Variants in GRIK3 observed in about 807,000 individuals in gnomAD.
GRIK3 encodes glutamate ionotropic receptor kainate type subunit 3.
GRIK3 carries 29 observed loss-of-function variants against 102.5 expected under a neutral mutation model. The observed-to-expected ratio is 0.28, with a 90% CI of 0.21 to 0.39. The LOEUF (loss-of-function observed/expected upper bound fraction) is 0.39, where lower values mean the gene tolerates loss of function less well. Ranked by LOEUF, GRIK3 falls within the 10% of genes least tolerant of loss-of-function variation. The probability of loss-of-function intolerance (pLI) is 1.00; values close to 1 mark genes in which losing one functional copy is unlikely to be tolerated. For missense variants in GRIK3, 908 were observed against 1,252.4 expected, an observed-to-expected ratio of 0.73 and a Z score of 4.15; for synonymous variants, 511 against 504.9, an observed-to-expected ratio of 1.01 and a Z score of -0.16.
At chr1:37,008,586 G>A (rs189519303) in intron 1 of GRIK3, among the ~76,000 whole-genome samples, 18 of 152,344 alleles carry the variant, frequency 1.2e-4, no homozygotes, top group African/African-American at 4.3e-4. Context: ...CTTCCTGGCT[G>A]TTCCACATGA....
chr1:36,888,954 C>T (rs1177533429), intron 2 of GRIK3, among the ~76,000 whole-genome samples: 1 of 151,988 alleles, frequency 6.6e-6, no homozygotes, highest in East Asian at 1.9e-4. Flanking sequence ...GAACAATGTT[C>T]GTTAAGTGGG....
intron 1 of GRIK3, among the ~76,000 whole-genome samples, chr1:36,977,130 G>T (rs902766783): frequency 6.6e-6 from 1 of 152,136 alleles, no homozygotes; most frequent in African/African-American, 2.4e-5. Context: ...TTCAAATCCC[G>T]CATGGACCAT....
At chr1:37,025,950 T>C (rs1246987604) in intron 1 of GRIK3, among the ~76,000 whole-genome samples, 1 of 152,182 alleles carries the variant, frequency 6.6e-6, no homozygotes, top group Non-Finnish European at 1.5e-5. Flanking sequence ...ATGATCACCA[T>C]GGGGACTCTC....
intron 15 of GRIK3, among the ~76,000 whole-genome samples, chr1:36,803,288 G>A (rs537659333): frequency 6.6e-6 from 1 of 152,248 alleles, no homozygotes; most frequent in South Asian, 2.1e-4. Flanking sequence ...AGGCAGAAAT[G>A]TGCTTGGTGT....
At chr1:36,904,379 C>G (rs1456009671) in intron 1 of GRIK3, among the ~76,000 whole-genome samples, 1 of 152,076 alleles carries the variant, frequency 6.6e-6, no homozygotes, top group Non-Finnish European at 1.5e-5. Flanking sequence ...TAATTTCCTT[C>G]TTTGTGTTTT....
At chr1:36,937,954 C>T (rs754675799) in intron 1 of GRIK3, among the ~76,000 whole-genome samples, 1 of 152,174 alleles carries the variant, frequency 6.6e-6, no homozygotes, top group Admixed American at 6.5e-5. Flanking sequence ...ACATGCCAAG[C>T]CTTTATACAT....
At chr1:37,015,367 T>C (rs1642642623) in intron 1 of GRIK3, among the ~76,000 whole-genome samples, 1 of 152,226 alleles carries the variant, frequency 6.6e-6, no homozygotes, top group African/African-American at 2.4e-5. Context: ...TTAATCCACT[T>C]GCCTAGAAAG....
chr1:36,847,737 A>G (rs2124223425), intron 9 of GRIK3, among the ~76,000 whole-genome samples: 1 of 152,156 alleles, frequency 6.6e-6, no homozygotes, highest in East Asian at 1.9e-4. Flanking sequence ...CGGATAAGCA[A>G]TTTCTTAGGG....
intron 1 of GRIK3, among the ~76,000 whole-genome samples, chr1:37,006,649 T>A (rs187091931): frequency 5.9e-5 from 9 of 152,364 alleles, no homozygotes; most frequent in Admixed American, 5.9e-4. Flanking sequence ...GCAGTCTCCA[T>A]GCAAACCAGG....
At chr1:36,854,336 C>G (rs1432390977) in intron 7 of GRIK3, among the ~76,000 whole-genome samples, 1 of 152,196 alleles carries the variant, frequency 6.6e-6, no homozygotes, top group Admixed American at 6.5e-5. Flanking sequence ...TCCATCTTAC[C>G]AAATGCTATA....
intron 1 of GRIK3, among the ~76,000 whole-genome samples, chr1:37,030,529 T>TCCCC (rs1442097555): frequency 6.0e-5 from 7 of 117,274 alleles, no homozygotes; most frequent in African/African-American, 1.2e-4. Flanking sequence ...ACCCTTCCTT[T>TCCCC]TCCCCACCCC....
At chr1:36,975,339 C>T (rs1375899423) in intron 1 of GRIK3, among the ~76,000 whole-genome samples, 10 of 134,072 alleles carry the variant, frequency 7.5e-5, no homozygotes, top group Non-Finnish European at 1.4e-4. Context: ...CGCCCAGGCT[C>T]GAGTTAGTGC....
rs990370120 is a variant in GRIK3 at position 36,929,680 on chromosome 1, G to A, written c.116-38584C>T. On this transcript the variant is annotated intron_variant, in intron 1 of 15. Coordinates refer to ENST00000373091, the MANE Select transcript of GRIK3 (RefSeq NM_000831.4). ...ATAAAGTCTGGGAAGCACCATATTCGAGTCCCTGCCTTTGGAATTTCAGGG... is the reference window on the plus strand; with the variant it reads ...ATAAAGTCTGGGAAGCACCATATTCAAGTCCCTGCCTTTGGAATTTCAGGG... Among the ~76,000 whole-genome samples, 12 of 152,154 alleles carry A rather than the reference G, an allele frequency of 7.9e-5. No homozygotes were observed. The South Asian group carries it at 1.0e-3, about 13-fold the overall frequency.
chr1:36,849,255 G>T (rs1291897652), intron 9 of GRIK3, among the ~76,000 whole-genome samples: 3 of 152,180 alleles, frequency 2.0e-5, no homozygotes, highest in African/African-American at 7.2e-5. Context: ...AGTAGGGCCT[G>T]GTTCAGCTGC....
intron 1 of GRIK3, among the ~76,000 whole-genome samples, chr1:37,008,761 G>A (rs1483175539): frequency 6.6e-6 from 1 of 152,212 alleles, no homozygotes; most frequent in African/African-American, 2.4e-5. Flanking sequence ...CTCCAGGACA[G>A]CGAGGTCAGA....
At chr1:36,821,449 T>C (rs1642694718) in intron 11 of GRIK3, among the ~76,000 whole-genome samples, 1 of 152,186 alleles carries the variant, frequency 6.6e-6, no homozygotes, top group Non-Finnish European at 1.5e-5. Flanking sequence ...GCGAGGCAGC[T>C]CAGTGCCTGG....
chr1:36,986,116 C>T (rs572492845), intron 1 of GRIK3, among the ~76,000 whole-genome samples: 12 of 152,152 alleles, frequency 7.9e-5, no homozygotes, highest in Admixed American at 1.3e-4. Flanking sequence ...TCCCTGCCCC[C>T]GGGACCCAGA....
chr1:36,812,696 C>T (rs905436038), intron 13 of GRIK3, among the ~76,000 whole-genome samples: 2 of 152,110 alleles, frequency 1.3e-5, no homozygotes, highest in Non-Finnish European at 2.9e-5. Context: ...GAGAGCCCAG[C>T]ATCCCGCTTC....
intron 3 of GRIK3, among the ~76,000 whole-genome samples, chr1:36,875,833 T>C (rs1640907649): frequency 6.6e-6 from 1 of 152,204 alleles, no homozygotes; most frequent in Non-Finnish European, 1.5e-5. Flanking sequence ...TACACAGCAT[T>C]ATTATAGAAA....
Sources: gnomAD v4.1 joint callset for allele counts (sites outside exome capture counted in the v4.1 genomes callset) on GRCh38, gnomAD v4.1.1 for gene constraint, MANE v1.5 for transcripts, NCBI Gene and HGNC (gene_info 2026-07-23, HGNC 2026-07-21) for gene names.